Variants in UPRT observed in about 807,000 individuals in gnomAD.
The protein encoded by UPRT is uracil phosphoribosyltransferase homolog.
UPRT carries 5 observed loss-of-function variants against 22.6 expected under a neutral mutation model. That is an observed-to-expected ratio of 0.22 (90% CI 0.12 to 0.47). The LOEUF (loss-of-function observed/expected upper bound fraction) is 0.47, where lower values mean the gene tolerates loss of function less well. UPRT is among the 20% of genes least tolerant of loss of function. UPRT has a pLI of 0.99. For synonymous variants in UPRT, 77 were observed against 87.7 expected, an observed-to-expected ratio of 0.88 and a Z score of 0.68; for missense variants, 181 against 239.9, an observed-to-expected ratio of 0.75 and a Z score of 1.62.
At chrX:75,198,230 AG>A (rs753185931) in intron 4 of UPRT, among the ~76,000 whole-genome samples, 14 of 113,033 alleles carry the variant, frequency 1.2e-4, no homozygotes, top group Non-Finnish European at 2.2e-4. Context: ...GTTGAGTGAA[AG>A]AAGCTAGACA....
intron 6 of UPRT, 63 bp from the exon 7 acceptor site, chrX:75,303,342 A>G: frequency 1.1e-6 from 1 of 908,442 alleles, no homozygotes; most frequent in Non-Finnish European, 1.6e-6. Context: ...TAACTACAAA[A>G]TTCCTGAATT....
At chrX:75,298,750 T>G (rs952370252) in intron 4 of UPRT, among the ~76,000 whole-genome samples, 2 of 111,954 alleles carry the variant, frequency 1.8e-5, no homozygotes, top group African/African-American at 6.5e-5. Flanking sequence ...AGGACAATGA[T>G]GTTCAACTTT....
At chrX:75,301,123 C>G in intron 6 of UPRT, 158 bp downstream of exon 6, 2 of 379,949 alleles carry the variant, frequency 5.3e-6, no homozygotes, top group South Asian at 1.3e-4. Flanking sequence ...CATCTGTAAG[C>G]TTAGTGATAA....
chrX:75,202,435 C>G (rs1477107087), intron 4 of UPRT, among the ~76,000 whole-genome samples: 1 of 110,159 alleles, frequency 9.1e-6, no homozygotes, highest in Non-Finnish European at 1.9e-5. Flanking sequence ...GACCCTGTCT[C>G]TATTTTAAAA....
intron 4 of UPRT, among the ~76,000 whole-genome samples, chrX:75,267,534 C>G (rs1481112252): frequency 8.9e-6 from 1 of 111,734 alleles, no homozygotes; most frequent in Non-Finnish European, 1.9e-5. Context: ...ACGTAACAAA[C>G]CTGCACGTTG....
chrX:75,248,679 C>G (rs781242230), intron 4 of UPRT, among the ~76,000 whole-genome samples: 58 of 111,541 alleles, frequency 5.2e-4, no homozygotes, highest in African/African-American at 1.8e-3. Context: ...GCAAAGCAGG[C>G]CAACATTCAA....
intron 4 of UPRT, among the ~76,000 whole-genome samples, chrX:75,238,340 C>G (rs1306729350): frequency 9.0e-6 from 1 of 111,248 alleles, no homozygotes; most frequent in Non-Finnish European, 1.9e-5. Flanking sequence ...ATTCTTATAT[C>G]AGACAAAACA....
At chrX:75,234,805 A>G (rs2082454018) in intron 4 of UPRT, among the ~76,000 whole-genome samples, 1 of 111,502 alleles carries the variant, frequency 9.0e-6, no homozygotes, top group African/African-American at 3.3e-5. Flanking sequence ...AGGGAAATTT[A>G]TAGCACTAAA....
intron 4 of UPRT, among the ~76,000 whole-genome samples, chrX:75,228,537 A>G (rs2082429423): frequency 8.9e-6 from 1 of 111,849 alleles, no homozygotes; most frequent in South Asian, 3.7e-4. Context: ...TTGCATTATT[A>G]TGCCTATAGC....
At chrX:75,263,048 C>T (rs1192704989) in intron 4 of UPRT, among the ~76,000 whole-genome samples, 2 of 111,769 alleles carry the variant, frequency 1.8e-5, no homozygotes, top group African/African-American at 3.3e-5. Flanking sequence ...TGACCATATA[C>T]TTGGAAGTAA....
chrX:75,261,442 C>T (rs771000672), intron 4 of UPRT, among the ~76,000 whole-genome samples: 5 of 111,954 alleles, frequency 4.5e-5, no homozygotes, highest in Non-Finnish European at 5.6e-5. Context: ...TTCCTGGACA[C>T]ATACACCCTC....
At chrX:75,189,801 C>T (rs934801625) in intron 4 of UPRT, among the ~76,000 whole-genome samples, 5 of 111,470 alleles carry the variant, frequency 4.5e-5, no homozygotes, top group African/African-American at 6.5e-5. Context: ...ACTAGTATTG[C>T]GACCCTTGCC....
chrX:75,210,631 G>A (rs1420271935), intron 4 of UPRT, among the ~76,000 whole-genome samples: 2 of 98,899 alleles, frequency 2.0e-5, no homozygotes, highest in African/African-American at 7.5e-5. Flanking sequence ...GGGTGGAGGA[G>A]CCGCAGCCAA....
intron 4 of UPRT, among the ~76,000 whole-genome samples, chrX:75,181,881 T>C (rs889454167): frequency 8.9e-6 from 1 of 111,755 alleles, no homozygotes; most frequent in Admixed American, 9.5e-5. Flanking sequence ...TCCAGTACTA[T>C]GTTGAATAGG....
chrX:75,299,625 C>A, intron 4 of UPRT, 110 bp from the exon 5 acceptor site: 1 of 796,141 alleles, frequency 1.3e-6, no homozygotes, highest in South Asian at 3.9e-5. Flanking sequence ...TAATTATTTT[C>A]ATCTTCCTTC....
At chrX:75,227,610 A>G (rs1472038696) in intron 4 of UPRT, among the ~76,000 whole-genome samples, 1 of 112,468 alleles carries the variant, frequency 8.9e-6, no homozygotes, top group African/African-American at 3.2e-5. Context: ...GCTGTTTCAA[A>G]TAGGAGACAT....
intron 4 of UPRT, among the ~76,000 whole-genome samples, chrX:75,259,803 T>TTGTC (rs1255661152): frequency 1.5e-4 from 16 of 106,682 alleles, no homozygotes; most frequent in East Asian, 3.0e-4. Flanking sequence ...AGACACATAA[T>TTGTC]AGATTCACCA....
intron 4 of UPRT, among the ~76,000 whole-genome samples, chrX:75,173,216 T>A (rs552458616): frequency 8.9e-6 from 1 of 112,195 alleles, no homozygotes; most frequent in East Asian, 2.8e-4. Flanking sequence ...CACAGGGTGC[T>A]GATTGGTGTG....
intron 4 of UPRT, among the ~76,000 whole-genome samples, chrX:75,260,130 G>A (rs961563966): frequency 3.6e-5 from 4 of 111,389 alleles, no homozygotes; most frequent in Admixed American, 9.6e-5. Context: ...AAGAAACAAC[G>A]GGTACCAGCC....
Sources: allele counts gnomAD v4.1 joint callset (sites outside exome capture counted in the v4.1 genomes callset), GRCh38; gene constraint gnomAD v4.1.1; transcripts MANE v1.5; gene names NCBI Gene and HGNC (gene_info 2026-07-23, HGNC 2026-07-21).